KMT2E: variants seen among roughly 807,000 people sequenced by gnomAD.
KMT2E encodes histone reader KMT2E.
A neutral mutation model predicts 184.6 loss-of-function variants in KMT2E; 30 were observed. The ratio of observed to expected loss-of-function variants is 0.16; its 90% CI spans 0.12 to 0.22. The LOEUF (loss-of-function observed/expected upper bound fraction) is 0.22, where lower values mean the gene tolerates loss of function less well. Among genes scored for constraint, KMT2E ranks in the 10% least tolerant of loss-of-function variants. The pLI is 1.00. For synonymous variants in KMT2E, 815 were observed against 776.5 expected, an observed-to-expected ratio of 1.05 and a Z score of -0.82; for missense variants, 2,023 against 2,237.4, an observed-to-expected ratio of 0.90 and a Z score of 1.93.
At position 105,107,382 on chromosome 7, in the gene KMT2E, C is replaced by A; in HGVS notation, c.2925C>A (p.Thr975=). The A allele has an allele frequency of 6.3e-7, 1 of 1,591,854 alleles. No homozygotes were observed. The highest frequency in any genetic ancestry group is 8.5e-7 in the Non-Finnish European group (1 of 1,171,094). Residue 975 remains threonine (T), a synonymous_variant, in exon 22 of 27, where the codon ACC becomes ACA. Coordinates refer to ENST00000311117, the MANE Select transcript of KMT2E (RefSeq NM_182931.3). ...YSQEGYDRSS[T]MLTLGPFRNS... ...AACAGGGATATGACAGATCTTCAAC[C>A]ATGTTAACATTGGGGCCTTTTAGAA...
chr7:105,076,469 G>C (rs776389976), intron 9 of KMT2E, among the ~76,000 whole-genome samples: 1 of 152,226 alleles, frequency 6.6e-6, no homozygotes, highest in Non-Finnish European at 1.5e-5. Flanking sequence ...AGTCAAGTCA[G>C]TTGTCATACT....
intron 12 of KMT2E, among the ~76,000 whole-genome samples, chr7:105,081,296 A>G (rs1054927803): frequency 1.3e-5 from 2 of 152,024 alleles, no homozygotes; most frequent in South Asian, 2.1e-4. Flanking sequence ...AGGCAGGAGA[A>G]TGGCGTGAAC....
chr7:105,056,903 G>T lies in KMT2E; in HGVS notation c.72-5261G>T, dbSNP rs148944990. On this transcript the variant is annotated intron_variant, in intron 3 of 26. Transcript: ENST00000311117. ...CCACTTTACATATAAAAAACCTCAA[G>T]TTCAAGAGAGGTCAATATGGCATTC... Among the ~76,000 whole-genome samples the T allele has an allele frequency of 3.9e-5, 6 of 152,124 alleles. No homozygotes were observed. The South Asian group carries it at 1.2e-3, about 32-fold the overall frequency.
chr7:105,015,572 T>C (rs1194792891), intron 1 of KMT2E, among the ~76,000 whole-genome samples: 2 of 152,192 alleles, frequency 1.3e-5, no homozygotes, highest in African/African-American at 2.4e-5. Flanking sequence ...GCTGGAGACA[T>C]GAATACCTAT....
At chr7:105,017,901 A>G (rs1003964780) in intron 1 of KMT2E, among the ~76,000 whole-genome samples, 20 of 152,152 alleles carry the variant, frequency 1.3e-4, no homozygotes, top group Non-Finnish European at 1.5e-5. Context: ...TAAGACTGAT[A>G]ACTGCCCTAC....
intron 13 of KMT2E, chr7:105,089,331 C>G (rs1334259654): frequency 2.8e-6 from 1 of 358,378 alleles, no homozygotes; most frequent in Non-Finnish European, 5.5e-6. Context: ...ATCGCGTAGC[C>G]AGGATTACAG....
intron 15 of KMT2E, among the ~76,000 whole-genome samples, chr7:105,094,518 C>T (rs1041670258): frequency 1.3e-5 from 2 of 152,130 alleles, no homozygotes; most frequent in African/African-American, 2.4e-5. Context: ...CTCCAATAAG[C>T]GTTTCCTTTG....
rs1400366817 is a variant in KMT2E at position 105,078,976 on chromosome 7, A to G, written c.1248+13A>G. On this transcript the variant is annotated intron_variant, in intron 12 of 26. Coordinates refer to ENST00000311117, the MANE Select transcript of KMT2E (RefSeq NM_182931.3). Reference sequence around the variant, plus strand: ...ACCCAATGCAGAGGTAAGCTTATAGAAATTTTTTGGGGAGATGTGGGTGCT... The same window carrying G: ...ACCCAATGCAGAGGTAAGCTTATAGGAATTTTTTGGGGAGATGTGGGTGCT... 6.6e-7 allele frequency: 1 copy of G among 1,512,406 alleles called. No individual in the cohort carries two copies. Among genetic ancestry groups the G allele is most frequent in the Non-Finnish European group, 9.2e-7 (1 of 1,088,580 alleles). The allele number at this position is 1,512,406 out of a possible 1,614,324, so 93.7% of individuals were successfully genotyped here. A position where few individuals can be genotyped will look rare whatever the true frequency, so the allele number is the denominator to read the frequency against.
chr7:105,107,549 A>G lies in KMT2E; in HGVS notation c.3092A>G (p.Glu1031Gly), dbSNP rs953912879. 1.2e-6 allele frequency: 2 copies of G among 1,614,124 alleles called. No individual in the cohort carries two copies. Among genetic ancestry groups the G allele is most frequent in the Non-Finnish European group, 8.5e-7 (1 of 1,180,004 alleles). ...SDLQLGLDAV[E>G]PTALHKTLET... ...CTTCAGCTAGGACTCGATGCAGTTG[A>G]GCCAACTGCCCTACATAAAACCCTG... Residue 1031 changes from glutamate (E) to glycine (G), a missense_variant, in exon 22 of 27, where the codon GAG becomes GGG. Physicochemically the swap from Glu to Gly is moderately conservative, Grantham distance 98. Transcript: ENST00000311117.
intron 1 of KMT2E, among the ~76,000 whole-genome samples, chr7:105,022,038 C>A (rs563765770): frequency 6.6e-6 from 1 of 152,186 alleles, no homozygotes; most frequent in African/African-American, 2.4e-5. Flanking sequence ...TTTTCCTGAA[C>A]CATTTGAGAG....
At chr7:105,108,107 TAAA>T (rs964651508) in intron 22 of KMT2E, among the ~76,000 whole-genome samples, 182 bp downstream of exon 22, 2 of 152,014 alleles carry the variant, frequency 1.3e-5, no homozygotes, top group Admixed American at 6.5e-5. Context: ...TACAGAAAAG[TAAA>T]AAAATTCTAG....
chr7:105,028,053 C>T (rs1795242035), intron 1 of KMT2E, among the ~76,000 whole-genome samples: 1 of 148,800 alleles, frequency 6.7e-6, no homozygotes, highest in African/African-American at 2.5e-5. Context: ...TTTGTATATT[C>T]TAAGAGACAA....
chr7:105,073,840 G>A (rs904416430), intron 7 of KMT2E, among the ~76,000 whole-genome samples, 163 bp downstream of exon 7: 2 of 151,792 alleles, frequency 1.3e-5, no homozygotes, highest in Non-Finnish European at 2.9e-5. Flanking sequence ...TAGATTTCAA[G>A]TATTTTTTTT....
chr7:105,067,604 T>C (rs1349185115), intron 6 of KMT2E, among the ~76,000 whole-genome samples: 1 of 152,218 alleles, frequency 6.6e-6, no homozygotes, highest in East Asian at 1.9e-4. Context: ...ATTTCATCCA[T>C]GTATATTTCA....
chr7:105,053,400 A>G (rs1483628145), intron 3 of KMT2E, among the ~76,000 whole-genome samples: 1 of 152,136 alleles, frequency 6.6e-6, no homozygotes, highest in Non-Finnish European at 1.5e-5. Flanking sequence ...TTACTATGAA[A>G]TTTTTTGCAT....
chr7:105,054,328 G>A (rs534384556), intron 3 of KMT2E, among the ~76,000 whole-genome samples: 17 of 151,860 alleles, frequency 1.1e-4, no homozygotes, highest in African/African-American at 3.9e-4. Flanking sequence ...TGTACCCTGT[G>A]TTCTGTACCT....
At chr7:105,052,158 G>T (rs75176850) in intron 3 of KMT2E, among the ~76,000 whole-genome samples, 3,518 of 151,980 alleles carry the variant, frequency 0.023, 71 homozygotes, top group Middle Eastern at 0.078. Context: ...CCCTAATCTC[G>T]TCTCACTATT....
chr7:105,022,998 G>A (rs531820121), intron 1 of KMT2E, among the ~76,000 whole-genome samples: 3 of 152,156 alleles, frequency 2.0e-5, no homozygotes, highest in Non-Finnish European at 4.4e-5. Context: ...ACCGAAATGG[G>A]ATTTAAATAG....
At position 105,077,130 on chromosome 7, in the gene KMT2E, C is replaced by T. The variant is rs1797563102; in HGVS notation, c.936C>T (p.Asp312=). The stretch of plus-strand genomic sequence containing the variant: ...CTCTGAGATTAGGCAATGGAAATGA[C>T]AAAAAAGAGATGAATAAATCCGATT... The part of the protein sequence containing the change: ...RIALRLGNGN[D]KKEMNKSDLN... The change falls in exon 10 of 27, where the codon GAC becomes GAT. Residue 312 remains aspartate (D), a synonymous_variant. Coordinates refer to ENST00000311117, the MANE Select transcript of KMT2E (RefSeq NM_182931.3). The T allele has an allele frequency of 1.2e-6, 2 of 1,613,620 alleles. No individual in the cohort carries two copies. The highest frequency in any genetic ancestry group is 1.7e-5 in the Admixed American group (1 of 59,966).
Sources: allele counts gnomAD v4.1 joint callset (sites outside exome capture counted in the v4.1 genomes callset), GRCh38; gene constraint gnomAD v4.1.1; transcripts MANE v1.5; gene names NCBI Gene and HGNC (gene_info 2026-07-23, HGNC 2026-07-21).